Variants in ZNF276 observed in about 807,000 individuals in gnomAD.
ZNF276 encodes zinc finger protein 276, also known as centromere protein Z.
Under a neutral mutation model 63.9 loss-of-function variants are expected in ZNF276, and 59 were observed. That is an observed-to-expected ratio of 0.92 (90% CI 0.75 to 1.15). The LOEUF (loss-of-function observed/expected upper bound fraction) is 1.15. ZNF276 is among the 50% of genes most tolerant of loss of function. ZNF276 has a pLI of 0.00. For missense variants in ZNF276, 1,084 were observed against 843.8 expected, an observed-to-expected ratio of 1.28 and a Z score of -3.53; for synonymous variants, 496 against 348.4, an observed-to-expected ratio of 1.42 and a Z score of -4.72.
intron 6 of ZNF276, among the ~76,000 whole-genome samples, chr16:89,730,279 G>C (rs2061603865): frequency 6.6e-6 from 1 of 152,172 alleles, no homozygotes; most frequent in Non-Finnish European, 1.5e-5. Flanking sequence ...CCCCAGGCTT[G>C]TTCCCAGGAG....
chr16:89,724,849 C>T (rs754680086), intron 4 of ZNF276, among the ~76,000 whole-genome samples: 1 of 152,072 alleles, frequency 6.6e-6, no homozygotes, highest in Non-Finnish European at 1.5e-5. Context: ...TATCTTCCTA[C>T]TTCTTTGTCT....
chr16:89,732,946 CATCCTCT>C, intron 6 of ZNF276: 1 of 345,830 alleles, frequency 2.9e-6, no homozygotes, highest in Non-Finnish European at 5.5e-6. Context: ...CCTGCGCCCT[CATCCTCT>C]GCTGTGCCCT....
At position 89,734,003 on chromosome 16, in the gene ZNF276, G is replaced by A. The variant is rs1204517221; in HGVS notation, c.1439G>A (p.Arg480His). The change falls in exon 9 of 11, where the codon CGC becomes CAC. Residue 480 changes from arginine to histidine, a missense_variant. Physicochemically the swap from Arg to His is conservative, Grantham distance 29. Coordinates refer to ENST00000443381, the MANE Select transcript of ZNF276 (RefSeq NM_001113525.2). ...PGCNKVFMIDRYLQRHVKLIH... is the reference protein window; with the variant it reads ...PGCNKVFMIDHYLQRHVKLIH... Reference sequence around the variant, plus strand: ...TGCAACAAGGTTTTCATGATCGACCGCTACCTGCAGCGCCACGTGAAGCTC... The same window carrying A: ...TGCAACAAGGTTTTCATGATCGACCACTACCTGCAGCGCCACGTGAAGCTC... The A allele has an allele frequency of 1.2e-6, 2 of 1,614,060 alleles. No homozygotes were observed. The highest frequency in any genetic ancestry group is 2.2e-5 in the East Asian group (1 of 44,886).
At chr16:89,736,331 ATTTTT>A (rs754681240) in intron 9 of ZNF276, among the ~76,000 whole-genome samples, 3 of 135,072 alleles carry the variant, frequency 2.2e-5, no homozygotes, top group Middle Eastern at 3.7e-3. Flanking sequence ...CCAGCCCCCA[ATTTTT>A]TTTTTTTTTT....
intron 5 of ZNF276, 85 bp downstream of exon 5, chr16:89,727,442 G>T: frequency 6.9e-7 from 1 of 1,459,116 alleles, no homozygotes; most frequent in Non-Finnish European, 9.4e-7. Context: ...AGAAGAGTGG[G>T]TTTAAACAGC....
In ZNF276 at chr16:89,729,492, G is replaced by A. The variant is rs563397110; in HGVS notation, c.1169+174G>A. 6.0e-5 allele frequency among the ~76,000 whole-genome samples: 9 copies of A among 151,244 alleles called. No individual in the cohort carries two copies. The East Asian group carries it at 1.8e-3, about 30-fold the overall frequency. On this transcript the variant is annotated intron_variant, in intron 6 of 10. Coordinates refer to ENST00000443381, the MANE Select transcript of ZNF276 (RefSeq NM_001113525.2). ...AGCGGGAGGCGGGGGAGGGGCAGGC[G>A]GGCAGGTGAGAAGGTGGGTCCTCCT...
intron 4 of ZNF276, among the ~76,000 whole-genome samples, chr16:89,724,554 C>T (rs190785029): frequency 1.8e-4 from 28 of 152,204 alleles, no homozygotes; most frequent in Admixed American, 1.4e-3. Flanking sequence ...GGCTGAGGCA[C>T]GAGAATCACT....
upstream of ZNF276, chr16:89,720,751 G>A: frequency 2.1e-6 from 3 of 1,438,318 alleles, no homozygotes; most frequent in African/African-American, 1.5e-5. Context: ...CCCCGCCCCC[G>A]CCCCGCCTCA....
Position 89,721,855 on chromosome 16 carries a change from C to T in ZNF276, c.205+10C>T, listed in dbSNP as rs1381433840. 2.5e-6 allele frequency: 3 copies of T among 1,204,366 alleles called. No individual in the cohort carries two copies. Among genetic ancestry groups the T allele is most frequent in the African/African-American group, 3.2e-5 (2 of 63,254 alleles). 74.6% of individuals were successfully genotyped at this position (1,204,366 alleles called of 1,614,324 possible). On this transcript the variant is annotated intron_variant, in intron 1 of 10. Coordinates refer to ENST00000443381, the MANE Select transcript of ZNF276 (RefSeq NM_001113525.2). ...GGCGCGGACGAGGCAGGTGGGTCCG[C>T]GGCCCGGGCGTGGCGGGTTGGGGTC...
At chr16:89,735,673 C>A (rs1056000851) in intron 9 of ZNF276, among the ~76,000 whole-genome samples, 15 of 152,110 alleles carry the variant, frequency 9.9e-5, no homozygotes, top group Non-Finnish European at 1.8e-4. Context: ...GATTTTGACA[C>A]CAGCCTGGGC....
In ZNF276 at chr16:89,740,135, G is replaced by A. The variant is rs377071386; in HGVS notation, c.*1889G>A. On this transcript the variant is annotated 3_prime_UTR_variant, in exon 11 of 11. Coordinates refer to ENST00000443381, the MANE Select transcript of ZNF276 (RefSeq NM_001113525.2). ...CAGGAGACCAACCCTGAGAATGGCC[G>A]ACCTGGTGCTCCCATGGGTAGGAGG... The A allele has an allele frequency of 1.9e-5, 30 of 1,544,744 alleles. No individual in the cohort carries two copies. Among genetic ancestry groups the A allele is most frequent in the African/African-American group, 2.7e-5 (2 of 73,438 alleles).
intron 5 of ZNF276, among the ~76,000 whole-genome samples, chr16:89,728,878 T>C (rs1477663724): frequency 2.0e-5 from 3 of 152,324 alleles, no homozygotes; most frequent in East Asian, 3.9e-4. Context: ...AACCCATCAG[T>C]TGCATAGGGT....
rs375383533 is a variant in ZNF276 at position 89,739,307 on chromosome 16, G to C, written c.*1061G>C. 6.2e-7 allele frequency: 1 copy of C among 1,613,994 alleles called. No homozygotes were observed. Among genetic ancestry groups the C allele is most frequent in the African/African-American group, 1.3e-5 (1 of 74,932 alleles). On this transcript the variant is annotated 3_prime_UTR_variant, in exon 11 of 11. Coordinates refer to ENST00000443381, the MANE Select transcript of ZNF276 (RefSeq NM_001113525.2). The stretch of plus-strand genomic sequence containing the variant: ...AGAGAAGACTAGAGGTAAAGACATA[G>C]TGACAAATGGCTACAGACTGCTGGA...
At chr16:89,721,114 G>T, upstream of ZNF276, 1 of 313,324 alleles carries the variant, frequency 3.2e-6, no homozygotes, top group Non-Finnish European at 5.8e-6. Context: ...CGGGGCTGGC[G>T]AGAAGGGCCC....
intron 6 of ZNF276, chr16:89,731,484 A>T (rs2151686400): frequency 6.6e-6 from 1 of 152,342 alleles, no homozygotes; most frequent in African/African-American, 2.4e-5. Flanking sequence ...CGAACTCCTG[A>T]CCTCATGATC....
At chr16:89,722,065 C>G (rs1336525055) in intron 1 of ZNF276, among the ~76,000 whole-genome samples, 1 of 152,130 alleles carries the variant, frequency 6.6e-6, no homozygotes, top group African/African-American at 2.4e-5. Context: ...GCCGCGGGCT[C>G]GGCCAGAAGG....
chr16:89,725,451 G>A (rs908157645), intron 4 of ZNF276, among the ~76,000 whole-genome samples: 1 of 151,664 alleles, frequency 6.6e-6, no homozygotes, highest in Admixed American at 6.6e-5. Context: ...AGAATGCTGG[G>A]ATTACAGGTG....
Position 89,721,620 on chromosome 16 carries a change from C to T in ZNF276, c.-21C>T, listed in dbSNP as rs1174860193. ...CGGGCCGGGCAGCACCCGCGGGATT[C>T]TGCTGGCGTCCTCCGCTGCCATGAA... On this transcript the variant is annotated 5_prime_UTR_variant, in exon 1 of 11. Coordinates refer to ENST00000443381, the MANE Select transcript of ZNF276 (RefSeq NM_001113525.2). 2 of 1,474,282 alleles carry T rather than the reference C, an allele frequency of 1.4e-6. No homozygotes were observed. The highest frequency in any genetic ancestry group is 1.5e-5 in the African/African-American group (1 of 68,218). The allele number at this position is 1,474,282 out of a possible 1,614,324, so 91.3% of individuals were successfully genotyped here.
chr16:89,737,475 C>G (rs1336880000), intron 9 of ZNF276: 2 of 325,636 alleles, frequency 6.1e-6, no homozygotes, highest in Admixed American at 9.1e-5. Context: ...GAGCTGAGAT[C>G]ACGCCACCGC....
Sources: allele counts gnomAD v4.1 joint callset (sites outside exome capture counted in the v4.1 genomes callset), GRCh38; gene constraint gnomAD v4.1.1; transcripts MANE v1.5; gene names NCBI Gene and HGNC (gene_info 2026-07-23, HGNC 2026-07-21).